The following SHISA9 variants were observed in gnomAD, a reference collection of about 807,000 sequenced individuals.
SHISA9 encodes protein shisa-9.
SHISA9 carries 13 observed loss-of-function variants against 38.0 expected under a neutral mutation model. That is an observed-to-expected ratio of 0.34 (90% CI 0.22 to 0.54). SHISA9 has a LOEUF of 0.54. Among genes scored for constraint, SHISA9 ranks in the 20% least tolerant of loss-of-function variants. The pLI, the probability that SHISA9 is intolerant of heterozygous loss-of-function variation, is 0.91. For synonymous variants in SHISA9, 275 were observed against 242.0 expected (o/e 1.14, Z -1.27); for missense variants, 538 against 575.8 (o/e 0.93, Z 0.67).
chr16:13,353,818 G>T, the SHISA9 span, among the ~76,000 whole-genome samples: 105 of 152,256 alleles, frequency 6.9e-4, no homozygotes, highest in African/African-American at 2.5e-3. Context: ...TCGTGAAGAC[G>T]GAGGACCGTA....
At chr16:12,980,214 A>T (rs1044289363) in intron 2 of SHISA9, among the ~76,000 whole-genome samples, 1 of 152,344 alleles carries the variant, frequency 6.6e-6, no homozygotes, top group South Asian at 2.1e-4. Flanking sequence ...TACATCTGGT[A>T]CCATCTCCAC....
intron 1 of SHISA9, among the ~76,000 whole-genome samples, chr16:12,914,196 C>G (rs1176504731): frequency 2.0e-4 from 31 of 151,778 alleles, no homozygotes; most frequent in Admixed American, 2.0e-3. Flanking sequence ...GGGGCATGCT[C>G]CACCACGCCC....
chr16:13,333,348 GT>G, the SHISA9 span, among the ~76,000 whole-genome samples: 6 of 152,284 alleles, frequency 3.9e-5, no homozygotes, highest in South Asian at 6.2e-4. Flanking sequence ...GTAAAGGGTG[GT>G]TTTGGGTACA....
intron 2 of SHISA9, among the ~76,000 whole-genome samples, chr16:13,123,026 G>C (rs1010492490): frequency 6.6e-6 from 1 of 152,046 alleles, no homozygotes; most frequent in African/African-American, 2.4e-5. Flanking sequence ...CAGCCTGGGC[G>C]ACAGAGCAAG....
At chr16:13,473,349 C>CTTTTTTTTTTT in the SHISA9 span, among the ~76,000 whole-genome samples, 6 of 73,898 alleles carry the variant, frequency 8.1e-5, no homozygotes, top group Admixed American at 1.6e-4. Flanking sequence ...TTCTTTCTTT[C>CTTTTTTTTTTT]TTTTTTTTTT....
At chr16:13,105,108 CTTAATA>C (rs1271122973) in intron 2 of SHISA9, among the ~76,000 whole-genome samples, 6 of 152,148 alleles carry the variant, frequency 3.9e-5, no homozygotes, top group Non-Finnish European at 8.8e-5. Flanking sequence ...ATATTAAAAA[CTTAATA>C]TTGATATACT....
intron 2 of SHISA9, among the ~76,000 whole-genome samples, chr16:12,961,795 G>C (rs927468698): frequency 6.6e-6 from 1 of 152,166 alleles, no homozygotes. Flanking sequence ...TGTGAACAGC[G>C]AGTTCCTTGC....
chr16:12,983,749 A>G (rs1024680346), intron 2 of SHISA9, among the ~76,000 whole-genome samples: 4 of 152,224 alleles, frequency 2.6e-5, no homozygotes, highest in African/African-American at 4.8e-5. Flanking sequence ...CAGCCTCCCA[A>G]AGTGCTGGGA....
At chr16:13,411,470 G>A in the SHISA9 span, among the ~76,000 whole-genome samples, 1 of 152,200 alleles carries the variant, frequency 6.6e-6, no homozygotes, top group Non-Finnish European at 1.5e-5. Flanking sequence ...GGATAATTAT[G>A]ACTTAAACAC....
At chr16:13,122,580 A>G (rs1170585433) in intron 2 of SHISA9, among the ~76,000 whole-genome samples, 3 of 152,236 alleles carry the variant, frequency 2.0e-5, no homozygotes, top group Non-Finnish European at 4.4e-5. Flanking sequence ...ATTCAACCCC[A>G]GTTTTCTATA....
intron 4 of SHISA9, among the ~76,000 whole-genome samples, chr16:13,227,496 A>G (rs1270972803): frequency 6.6e-6 from 1 of 152,206 alleles, no homozygotes; most frequent in Non-Finnish European, 1.5e-5. Flanking sequence ...ATGTAAGGAA[A>G]AGGCTGAAGA....
At chr16:13,109,580 T>A (rs1225586332) in intron 2 of SHISA9, among the ~76,000 whole-genome samples, 1 of 152,168 alleles carries the variant, frequency 6.6e-6, no homozygotes, top group Non-Finnish European at 1.5e-5. Context: ...AGTATACAAT[T>A]CAATGATTTT....
At chr16:13,246,166 G>T in the SHISA9 span, 2 of 152,118 alleles carry the variant, frequency 1.3e-5, no homozygotes, top group African/African-American at 4.8e-5. Context: ...TGTAGCTCCC[G>T]TAATTCCCAC....
rs143014597 is a variant in SHISA9 at position 13,111,964 on chromosome 16, C to T, written c.692-91430C>T. On this transcript the variant is annotated intron_variant, in intron 2 of 4. Transcript: ENST00000558583. Reference sequence around the variant, plus strand: ...GGCTCAGAGAGGTTAGGAAACTTGCCTAAAGACACACAGCTAGGTAGTAGA... The same window carrying T: ...GGCTCAGAGAGGTTAGGAAACTTGCTTAAAGACACACAGCTAGGTAGTAGA... 2.0e-4 allele frequency among the ~76,000 whole-genome samples: 30 copies of T among 152,276 alleles called. No individual in the cohort carries two copies. In the East Asian group the frequency reaches 3.7e-3, roughly 19 times the overall value.
At chr16:12,986,072 T>C (rs1340943345) in intron 2 of SHISA9, among the ~76,000 whole-genome samples, 1 of 152,124 alleles carries the variant, frequency 6.6e-6, no homozygotes, top group African/African-American at 2.4e-5. Flanking sequence ...TTCCTTTCTA[T>C]GTGCTGTGTC....
the SHISA9 span, among the ~76,000 whole-genome samples, chr16:13,399,036 C>G: frequency 6.6e-6 from 1 of 152,042 alleles, no homozygotes; most frequent in Non-Finnish European, 1.5e-5. Context: ...CAGGGGAATG[C>G]CTGAGCTCAG....
At chr16:13,153,746 G>C (rs1362100828) in intron 2 of SHISA9, among the ~76,000 whole-genome samples, 1 of 152,172 alleles carries the variant, frequency 6.6e-6, no homozygotes, top group Admixed American at 6.5e-5. Flanking sequence ...TATTGCACTT[G>C]ATGATCGCTC....
chr16:12,944,294 T>A (rs948416933), intron 2 of SHISA9, among the ~76,000 whole-genome samples: 2 of 152,246 alleles, frequency 1.3e-5, no homozygotes, highest in African/African-American at 4.8e-5. Flanking sequence ...CTTTGAACTC[T>A]TATTTCTAGG....
chr16:13,222,280 C>G (rs767577805), intron 4 of SHISA9, among the ~76,000 whole-genome samples: 5 of 152,068 alleles, frequency 3.3e-5, no homozygotes, highest in Non-Finnish European at 4.4e-5. Flanking sequence ...TATCATGACC[C>G]AAGGAGAGTA....
Sources: gnomAD v4.1 joint callset for allele counts (sites outside exome capture counted in the v4.1 genomes callset) on GRCh38, gnomAD v4.1.1 for gene constraint, MANE v1.5 for transcripts, NCBI Gene and HGNC (gene_info 2026-07-23, HGNC 2026-07-21) for gene names.